Variants in DHX8 observed in about 807,000 individuals in gnomAD.
The protein encoded by DHX8 is DEAH-box helicase 8, also known as ATP-dependent RNA helicase DHX8.
In DHX8, 67 loss-of-function variants were observed where a neutral mutation model predicts 140.7. The ratio of observed to expected loss-of-function variants is 0.48; its 90% CI spans 0.39 to 0.58. The LOEUF is 0.58. DHX8 is among the 20% of genes least tolerant of loss of function. The pLI, the probability that DHX8 is intolerant of heterozygous loss-of-function variation, is 0.00. For missense variants in DHX8, 887 were observed against 1,550.7 expected, an observed-to-expected ratio of 0.57 and a Z score of 7.19; for synonymous variants, 533 against 553.2, an observed-to-expected ratio of 0.96 and a Z score of 0.51.
downstream of DHX8, chr17:43,529,579 C>T (rs1970777334): frequency 1.9e-6 from 3 of 1,614,112 alleles, no homozygotes; most frequent in Non-Finnish European, 2.5e-6. Context: ...TTGGGTCATC[C>T]AGCAAGGCCA....
intron 2 of DHX8, chr17:43,532,758 C>A: frequency 6.2e-7 from 1 of 1,614,060 alleles, no homozygotes; most frequent in Non-Finnish European, 8.5e-7. Flanking sequence ...CCACCCTGGT[C>A]CACGGCTGGC....
chr17:43,493,994 T>A (rs1968696357), intron 8 of DHX8, 108 bp downstream of exon 8: 3 of 1,098,084 alleles, frequency 2.7e-6, no homozygotes, highest in East Asian at 2.4e-5. Flanking sequence ...GCCACTGTAT[T>A]AGTCTGTTTT....
At chr17:43,488,675 C>T (rs139873993) in intron 1 of DHX8, among the ~76,000 whole-genome samples, 55 of 152,000 alleles carry the variant, frequency 3.6e-4, no homozygotes, top group African/African-American at 1.3e-3. Flanking sequence ...AGTCTTTCAT[C>T]AATGTGGAGA....
At chr17:43,495,103 T>C (rs1968779044) in intron 8 of DHX8, among the ~76,000 whole-genome samples, 1 of 151,936 alleles carries the variant, frequency 6.6e-6, no homozygotes, top group South Asian at 2.1e-4. Flanking sequence ...CGTGAGCCAC[T>C]GTGCCCAGCC....
Position 43,492,678 on chromosome 17 carries a change from T to C in DHX8, c.504-3T>C, listed in dbSNP as rs373340710. 62 of 1,513,740 alleles carry C rather than the reference T, an allele frequency of 4.1e-5. No individual in the cohort carries two copies. The highest frequency in any genetic ancestry group is 5.6e-5 in the Non-Finnish European group (61 of 1,089,040). 93.8% of individuals were successfully genotyped at this position (1,513,740 alleles called of 1,614,324 possible). On this transcript the variant is annotated splice_region_variant and splice_polypyrimidine_tract_variant and intron_variant, in intron 5 of 22. Transcript: ENST00000262415. ...TTTAAACAGGTGCTTATTGATTTGT[T>C]AGGGACAGGACAAAGAAGAAGAAGC...
At chr17:43,528,711 C>A (rs1451575604), downstream of DHX8, 1 of 1,614,156 alleles carries the variant, frequency 6.2e-7, no homozygotes, top group Non-Finnish European at 8.5e-7. Context: ...CGGGCTCACA[C>A]ACAAACTTGT....
downstream of DHX8, chr17:43,530,567 T>C: frequency 1.9e-6 from 1 of 520,210 alleles, no homozygotes; most frequent in Non-Finnish European, 3.0e-6. Flanking sequence ...TGGACAAAAA[T>C]GTCCGGTCAG....
Position 43,484,000 on chromosome 17 carries a change from C to T in DHX8, c.-38C>T, listed in dbSNP as rs375472524. Reference sequence around the variant, plus strand: ...AACCCGGCCGGAGTAGCTCTGAGCGCCGGCTGTGAGGAAGGAGGTTCTGGG... The same window carrying T: ...AACCCGGCCGGAGTAGCTCTGAGCGTCGGCTGTGAGGAAGGAGGTTCTGGG... On this transcript the variant is annotated 5_prime_UTR_variant, in exon 1 of 23. Coordinates refer to ENST00000262415, the MANE Select transcript of DHX8 (RefSeq NM_004941.3). The T allele has an allele frequency of 5.8e-5, 93 of 1,611,800 alleles. 1 individual carries two copies. In the South Asian group the frequency reaches 9.7e-4, roughly 17 times the overall value.
chr17:43,530,520 A>T (rs539119288), downstream of DHX8: 18 of 1,043,834 alleles, frequency 1.7e-5, no homozygotes, highest in Admixed American at 3.8e-5. Context: ...ACGTCCGGGG[A>T]AAGAGTTCGG....
At position 43,493,143 on chromosome 17, in the gene DHX8, A is replaced by C. The variant is rs1968637857; in HGVS notation, c.863+103A>C. 5.5e-6 allele frequency: 8 copies of C among 1,457,906 alleles called. No individual in the cohort carries two copies. In the South Asian group the frequency reaches 9.3e-5, roughly 17 times the overall value. 90.3% of individuals were successfully genotyped at this position (1,457,906 alleles called of 1,614,324 possible). ...AAGTTACTTTGATTAATGACACTTT[A>C]GTCAAATCAGCCATACATGGTTCTT... On this transcript the variant is annotated intron_variant, in intron 6 of 22. Coordinates refer to ENST00000262415, the MANE Select transcript of DHX8 (RefSeq NM_004941.3).
chr17:43,504,514 G>A (rs1013777781), intron 11 of DHX8, 130 bp from the exon 12 acceptor site: 1 of 836,564 alleles, frequency 1.2e-6, no homozygotes, highest in South Asian at 1.8e-5. Context: ...TTGTTTCTTT[G>A]AGTACTTTTG....
rs1969753032 is a variant in DHX8 at position 43,510,370 on chromosome 17, A to G, written c.2502+1850A>G. Among the ~76,000 whole-genome samples the G allele has an allele frequency of 3.9e-5, 6 of 152,108 alleles. 1 individual carries two copies. The highest frequency in any genetic ancestry group is 3.9e-4 in the Admixed American group (6 of 15,254). The stretch of plus-strand genomic sequence containing the variant: ...GCCAGAATTTACCCTTTTAAAGTGT[A>G]CAGTTCAAAGGCTTTTACCCATGGT... On this transcript the variant is annotated intron_variant, in intron 16 of 22. Coordinates refer to ENST00000262415, the MANE Select transcript of DHX8 (RefSeq NM_004941.3).
intron 1 of DHX8, among the ~76,000 whole-genome samples, chr17:43,488,610 T>TAAAA (rs60524796): frequency 7.0e-6 from 1 of 142,300 alleles, no homozygotes; most frequent in Non-Finnish European, 1.5e-5. Flanking sequence ...GACTCTGTCT[T>TAAAA]AAAAAAAAAA....
At chr17:43,540,231 C>G (rs1007488958) in intron 3 of DHX8, among the ~76,000 whole-genome samples, 1 of 152,004 alleles carries the variant, frequency 6.6e-6, no homozygotes, top group Non-Finnish European at 1.5e-5. Context: ...GGCAGGCAGA[C>G]GATCTGAGGT....
downstream of DHX8, chr17:43,528,306 G>A (rs1970686378): frequency 4.1e-6 from 2 of 492,594 alleles, no homozygotes; most frequent in Non-Finnish European, 7.2e-6. Flanking sequence ...CCCCAGGGGA[G>A]TTTCTGAGAC....
Position 43,498,870 on chromosome 17 carries a change from C to T in DHX8, c.1309C>T (p.Leu437Phe), listed in dbSNP as rs750082250. Residue 437 changes from leucine (L) to phenylalanine (F), a missense_variant, in exon 10 of 23, where the codon CTT becomes TTT. By Grantham distance (22) the Leu-to-Phe change is conservative (BLOSUM62 0). Transcript: ENST00000262415. ...PKVDDEEDEDLEIELVEEEPP... is the reference protein window; with the variant it reads ...PKVDDEEDEDFEIELVEEEPP... Reference sequence around the variant, plus strand: ...TTTGGGGGGACTTTTAGATGAGGACCTTGAGATTGAATTGGTTGAGGAAGA... The same window carrying T: ...TTTGGGGGGACTTTTAGATGAGGACTTTGAGATTGAATTGGTTGAGGAAGA... 1 of 1,593,130 alleles carries T rather than the reference C, an allele frequency of 6.3e-7. No homozygotes were observed. The highest frequency in any genetic ancestry group is 1.1e-5 in the South Asian group (1 of 88,610).
At chr17:43,528,114 G>A (rs747487116), downstream of DHX8, 18 of 238,534 alleles carry the variant, frequency 7.5e-5, no homozygotes, top group Non-Finnish European at 1.2e-4. Context: ...CTGTCTCCCC[G>A]CAGTGGGAGA....
chr17:43,526,752 CT>C, downstream of DHX8: 1 of 1,319,636 alleles, frequency 7.6e-7, no homozygotes, highest in Admixed American at 2.9e-5. Context: ...ACCACGATAG[CT>C]TGGCTTTAAT....
chr17:43,521,215 A>C (rs1970362052), intron 20 of DHX8, among the ~76,000 whole-genome samples, 154 bp from the exon 21 acceptor site: 1 of 151,984 alleles, frequency 6.6e-6, no homozygotes. Context: ...CTCTTGCCTC[A>C]GTTTCCCAAA....
Sources: allele counts gnomAD v4.1 joint callset (sites outside exome capture counted in the v4.1 genomes callset), GRCh38; gene constraint gnomAD v4.1.1; transcripts MANE v1.5; gene names NCBI Gene and HGNC (gene_info 2026-07-23, HGNC 2026-07-21).